The following DOK6 variants were observed in gnomAD, a reference collection of about 807,000 sequenced individuals.
DOK6 encodes docking protein 6.
DOK6 carries 22 observed loss-of-function variants against 44.0 expected under a neutral mutation model. The ratio of observed to expected loss-of-function variants is 0.50; its 90% CI spans 0.36 to 0.71. The LOEUF is 0.71. DOK6 is among the 30% of genes least tolerant of loss of function. The pLI, the probability that DOK6 is intolerant of heterozygous loss-of-function variation, is 0.00. For missense variants in DOK6, 340 were observed against 416.4 expected (o/e 0.82, Z 1.60); for synonymous variants, 166 against 145.5 (o/e 1.14, Z -1.01).
At position 69,445,374 on chromosome 18, in the gene DOK6, A is replaced by G. The variant is rs773317904; in HGVS notation, c.66+44064A>G. ...TCATCCTTTTCTTGTTCCTAGTCTT[A>G]GAGGGAAGGTTTTCAGTCTTTCACT... On this transcript the variant is annotated intron_variant, in intron 1 of 7. Coordinates refer to ENST00000382713, the MANE Select transcript of DOK6 (RefSeq NM_152721.6). Among the ~76,000 whole-genome samples the G allele has an allele frequency of 5.0e-4, 76 of 152,210 alleles. 1 individual carries two copies. Among genetic ancestry groups the G allele is most frequent in the Non-Finnish European group, 3.4e-4 (23 of 68,026 alleles).
chr18:69,527,888 T>A (rs778368272), intron 1 of DOK6, among the ~76,000 whole-genome samples: 1 of 151,942 alleles, frequency 6.6e-6, no homozygotes, highest in Admixed American at 6.6e-5. Context: ...CCTGGCCGGG[T>A]GCGGTGGCTC....
In DOK6 at chr18:69,729,008, A is replaced by G. The variant is rs149677813; in HGVS notation, c.600-9957A>G. ...TGACCAGGGCCAGGATCAGATTTCC[A>G]TGGGGTCAGCAGAGGGCTGAGAAGT... On this transcript the variant is annotated intron_variant, in intron 5 of 7. Coordinates refer to ENST00000382713, the MANE Select transcript of DOK6 (RefSeq NM_152721.6). Among the ~76,000 whole-genome samples the G allele has an allele frequency of 2.2e-3, 328 of 152,314 alleles. 2 individuals are homozygous for G. The highest frequency in any genetic ancestry group is 7.3e-3 in the African/African-American group (302 of 41,574).
rs146209208 is a variant in DOK6 at position 69,606,800 on chromosome 18, G to A, written c.289+7302G>A. ...TTTGGAGACAGAGTCTCTTTCTGTC[G>A]CCCAGGCTGCTGGAGTGCAGTGGCG... On this transcript the variant is annotated intron_variant, in intron 3 of 7. Coordinates refer to ENST00000382713, the MANE Select transcript of DOK6 (RefSeq NM_152721.6). 3.3e-3 allele frequency among the ~76,000 whole-genome samples: 430 copies of A among 129,128 alleles called. 4 individuals carry two copies. Among genetic ancestry groups the A allele is most frequent in the African/African-American group, 0.012 (411 of 33,646 alleles). The allele number at this position is 129,128 out of a possible 152,430, so 84.7% of individuals were successfully genotyped here.
intron 7 of DOK6, among the ~76,000 whole-genome samples, chr18:69,782,060 T>G (rs1219560265): frequency 1.3e-5 from 2 of 151,754 alleles, no homozygotes; most frequent in East Asian, 3.9e-4. Context: ...AATAAAATAA[T>G]TACTGTGAAA....
chr18:69,751,606 T>G (rs1006907981), intron 6 of DOK6, among the ~76,000 whole-genome samples: 6 of 152,170 alleles, frequency 3.9e-5, no homozygotes, highest in African/African-American at 1.2e-4. Flanking sequence ...TTACAAGATG[T>G]ACAGAAATTG....
At chr18:69,673,497 G>A (rs942677083) in intron 3 of DOK6, among the ~76,000 whole-genome samples, 6 of 152,134 alleles carry the variant, frequency 3.9e-5, no homozygotes, top group African/African-American at 1.2e-4. Context: ...CCAGAATTCT[G>A]TGGAGAAATG....
At position 69,708,783 on chromosome 18, in the gene DOK6, CAAA is replaced by C. The variant is rs376287840; in HGVS notation, c.599+10210_599+10212del. Among the ~76,000 whole-genome samples the C allele has an allele frequency of 5.1e-3, 406 of 79,290 alleles. 4 individuals carry two copies. The highest frequency in any genetic ancestry group is 0.01 in the African/African-American group (207 of 20,106). 52.0% of individuals were successfully genotyped at this position (79,290 alleles called of 152,430 possible). The stretch of plus-strand genomic sequence containing the variant: ...TGGGTGACAGGGCAAAAATCCGTCT[CAAA>C]AAAAAAAAAAAAAAAAAAAGTGCTT... On this transcript the variant is annotated intron_variant, in intron 5 of 7. Transcript: ENST00000382713.
intron 5 of DOK6, among the ~76,000 whole-genome samples, chr18:69,713,467 T>G (rs975978983): frequency 3.3e-5 from 5 of 152,230 alleles, no homozygotes; most frequent in African/African-American, 9.6e-5. Context: ...AACAACTGAA[T>G]GCAACTCTCT....
At chr18:69,558,315 G>A (rs541766729) in intron 1 of DOK6, among the ~76,000 whole-genome samples, 9 of 152,038 alleles carry the variant, frequency 5.9e-5, no homozygotes, top group Non-Finnish European at 1.2e-4. Context: ...GGCTTTTAGT[G>A]TGCTGACTCA....
At chr18:69,432,746 C>CA (rs1978842939) in intron 1 of DOK6, among the ~76,000 whole-genome samples, 2 of 150,512 alleles carry the variant, frequency 1.3e-5, no homozygotes, top group South Asian at 2.1e-4. Flanking sequence ...TTCTCCCCTT[C>CA]AAAAAAAAGA....
chr18:69,411,247 A>G (rs1189524921), intron 1 of DOK6, among the ~76,000 whole-genome samples: 1 of 152,162 alleles, frequency 6.6e-6, no homozygotes, highest in East Asian at 1.9e-4. Context: ...GTAATGAGAA[A>G]AGATCCAGAA....
intron 7 of DOK6, among the ~76,000 whole-genome samples, chr18:69,817,725 CT>C (rs1410803896): frequency 6.6e-6 from 1 of 152,148 alleles, no homozygotes; most frequent in Non-Finnish European, 1.5e-5. Flanking sequence ...TGAGTGAAGG[CT>C]TCAACATATG....
At chr18:69,624,140 GATTT>G (rs780552226) in intron 3 of DOK6, among the ~76,000 whole-genome samples, 9 of 152,068 alleles carry the variant, frequency 5.9e-5, no homozygotes, top group Non-Finnish European at 1.2e-4. Context: ...ATTCAGAAAT[GATTT>G]ATTTAATTTA....
Position 69,846,815 on chromosome 18 carries a change from T to C in DOK6, c.*5432T>C, listed in dbSNP as rs948423258. 1 of 152,126 alleles carries C rather than the reference T, an allele frequency of 6.6e-6. No homozygotes were observed. The highest frequency in any genetic ancestry group is 6.5e-5 in the Admixed American group (1 of 15,270). 9.4% of individuals were successfully genotyped at this position (152,126 alleles called of 1,614,324 possible). ...CATAATTGATAACATCAGGGCTACATTTTTTTCATGTGAGCCTCAAGAAGC... is the reference window on the plus strand; with the variant it reads ...CATAATTGATAACATCAGGGCTACACTTTTTTCATGTGAGCCTCAAGAAGC... On this transcript the variant is annotated 3_prime_UTR_variant, in exon 8 of 8. Transcript: ENST00000382713.
At chr18:69,519,982 T>C (rs931432071) in intron 1 of DOK6, among the ~76,000 whole-genome samples, 3 of 151,856 alleles carry the variant, frequency 2.0e-5, no homozygotes, top group Non-Finnish European at 4.4e-5. Flanking sequence ...AAAATAATAT[T>C]GCCTAAATGT....
chr18:69,619,431 G>T (rs1373242860), intron 3 of DOK6, among the ~76,000 whole-genome samples: 1 of 152,184 alleles, frequency 6.6e-6, no homozygotes, highest in Non-Finnish European at 1.5e-5. Flanking sequence ...ATGATCGTGG[G>T]TGTCCAGAAC....
At chr18:69,721,319 C>T (rs1171601113) in intron 5 of DOK6, 1 of 152,170 alleles carries the variant, frequency 6.6e-6, no homozygotes, top group Non-Finnish European at 1.5e-5. Context: ...TAACTATTTA[C>T]CTGAAGAGCG....
intron 1 of DOK6, among the ~76,000 whole-genome samples, chr18:69,525,906 G>C (rs1224879847): frequency 6.6e-6 from 1 of 151,952 alleles, no homozygotes; most frequent in Non-Finnish European, 1.5e-5. Context: ...TCTGGCCTGT[G>C]ACCTGTATTT....
intron 3 of DOK6, among the ~76,000 whole-genome samples, chr18:69,623,448 A>C (rs1046091080): frequency 6.6e-6 from 1 of 152,214 alleles, no homozygotes; most frequent in Non-Finnish European, 1.5e-5. Flanking sequence ...AAAATTAACA[A>C]AGAAGGTAAA....
Sources: gnomAD v4.1 joint callset for allele counts (sites outside exome capture counted in the v4.1 genomes callset) on GRCh38, gnomAD v4.1.1 for gene constraint, MANE v1.5 for transcripts, NCBI Gene and HGNC (gene_info 2026-07-23, HGNC 2026-07-21) for gene names.